The following PATJ variants were observed in gnomAD, a reference collection of about 807,000 sequenced individuals.
PATJ encodes PATJ crumbs cell polarity complex component, also known as inaD-like protein.
PATJ carries 190 observed loss-of-function variants against 224.9 expected under a neutral mutation model. That is an observed-to-expected ratio of 0.84 (90% CI 0.75 to 0.95). The LOEUF (loss-of-function observed/expected upper bound fraction) is 0.95, where lower values mean the gene tolerates loss of function less well. PATJ is among the 40% of genes least tolerant of loss of function. PATJ has a pLI of 0.00. For synonymous variants in PATJ, 769 were observed against 820.3 expected, an observed-to-expected ratio of 0.94 and a Z score of 1.07; for missense variants, 2,121 against 2,270.3, an observed-to-expected ratio of 0.93 and a Z score of 1.34.
chr1:62,069,395 T>C (rs1657023811), intron 31 of PATJ, among the ~76,000 whole-genome samples: 1 of 152,162 alleles, frequency 6.6e-6, no homozygotes, highest in East Asian at 1.9e-4. Flanking sequence ...GAGCAATAAT[T>C]GTCCCTAATA....
At chr1:62,101,887 A>T (rs1662221879) in intron 33 of PATJ, among the ~76,000 whole-genome samples, 1 of 152,182 alleles carries the variant, frequency 6.6e-6, no homozygotes, top group East Asian at 1.9e-4. Flanking sequence ...GAATAATTTT[A>T]AAGTATCCAG....
At chr1:61,979,933 T>C (rs1191597267) in intron 27 of PATJ, among the ~76,000 whole-genome samples, 2 of 152,064 alleles carry the variant, frequency 1.3e-5, no homozygotes, top group Admixed American at 1.3e-4. Context: ...CCTCTGGGTA[T>C]AGGCAGGGCA....
intron 31 of PATJ, among the ~76,000 whole-genome samples, chr1:62,075,603 G>A (rs1216588139): frequency 6.6e-6 from 1 of 152,130 alleles, no homozygotes; most frequent in Non-Finnish European, 1.5e-5. Context: ...GCCTGATGAA[G>A]TGTAAATCCT....
chr1:61,832,526 T>A (rs1570772580), intron 16 of PATJ, among the ~76,000 whole-genome samples: 1 of 152,188 alleles, frequency 6.6e-6, no homozygotes, highest in Non-Finnish European at 1.5e-5. Flanking sequence ...AGTCTACTTT[T>A]AAAAATTATT....
At chr1:61,917,046 T>A (rs2149244843) in intron 26 of PATJ, among the ~76,000 whole-genome samples, 1 of 152,314 alleles carries the variant, frequency 6.6e-6, no homozygotes, top group East Asian at 1.9e-4. Flanking sequence ...CTGAGGAGGT[T>A]AGGAATCGTG....
At chr1:61,920,613 C>T (rs1294280561) in intron 26 of PATJ, among the ~76,000 whole-genome samples, 1 of 151,840 alleles carries the variant, frequency 6.6e-6, no homozygotes, top group East Asian at 1.9e-4. Flanking sequence ...TTTATATTTG[C>T]CTGGCATGTT....
intron 29 of PATJ, among the ~76,000 whole-genome samples, chr1:62,026,506 G>A (rs562244574): frequency 1.4e-3 from 203 of 149,536 alleles, no homozygotes; most frequent in Middle Eastern, 6.9e-3. Context: ...GTGTGTACAT[G>A]CACCTAAATG....
At chr1:61,955,905 C>A (rs1486463730) in intron 27 of PATJ, among the ~76,000 whole-genome samples, 3 of 152,122 alleles carry the variant, frequency 2.0e-5, no homozygotes, top group Non-Finnish European at 4.4e-5. Flanking sequence ...TGTTGTACAT[C>A]CACTCATTGG....
intron 31 of PATJ, among the ~76,000 whole-genome samples, chr1:62,062,394 T>TG: frequency 9.5e-6 from 1 of 105,492 alleles, no homozygotes; most frequent in Non-Finnish European, 2.3e-5. Context: ...GTTGTCTTCT[T>TG]TTTTTTTTTT....
At chr1:62,141,099 G>T (rs528169832) in intron 41 of PATJ, among the ~76,000 whole-genome samples, 1 of 151,938 alleles carries the variant, frequency 6.6e-6, no homozygotes, top group Non-Finnish European at 1.5e-5. Flanking sequence ...ATGATGGTCT[G>T]CTCTACTTGC....
intron 33 of PATJ, among the ~76,000 whole-genome samples, chr1:62,090,437 G>T (rs551620195): frequency 1.3e-5 from 2 of 152,124 alleles, no homozygotes; most frequent in African/African-American, 4.8e-5. Context: ...AGTGATTATG[G>T]TCTAATATAG....
intron 28 of PATJ, among the ~76,000 whole-genome samples, chr1:61,991,214 T>C (rs74076864): frequency 6.8e-6 from 1 of 147,758 alleles, no homozygotes; most frequent in African/African-American, 2.5e-5. Context: ...ATGATGATGA[T>C]GATGACAATA....
intron 23 of PATJ, among the ~76,000 whole-genome samples, chr1:61,900,579 CTTTCT>C (rs67723329): frequency 0.7 from 104,812 of 150,326 alleles, 36,635 homozygotes; most frequent in East Asian, 0.85. Context: ...ACATATGTGG[CTTTCT>C]TTTCTTTTCT....
chr1:61,980,245 G>A (rs1324848761), intron 27 of PATJ, among the ~76,000 whole-genome samples: 9 of 151,822 alleles, frequency 5.9e-5, no homozygotes, highest in African/African-American at 9.7e-5. Context: ...TGATTATGCC[G>A]CTGAACTCTA....
chr1:62,037,069 C>A (rs1650562806), intron 29 of PATJ, among the ~76,000 whole-genome samples: 1 of 151,910 alleles, frequency 6.6e-6, no homozygotes, highest in Non-Finnish European at 1.5e-5. Context: ...CCAAGTCAGG[C>A]AATAGCTCTT....
At chr1:61,993,125 C>T (rs1476085981) in intron 28 of PATJ, among the ~76,000 whole-genome samples, 2 of 152,204 alleles carry the variant, frequency 1.3e-5, no homozygotes, top group Non-Finnish European at 2.9e-5. Context: ...CAGGTTATGA[C>T]CTGAACTTCT....
At chr1:61,991,602 T>A (rs1455298325) in intron 28 of PATJ, 1 of 985,332 alleles carries the variant, frequency 1.0e-6, no homozygotes, top group Non-Finnish European at 1.2e-6. Context: ...TTCCAAACCT[T>A]GGTTGCTTCT....
Position 62,091,422 on chromosome 1 carries a change from C to T in PATJ, c.4377+6774C>T, listed in dbSNP as rs554075756. On this transcript the variant is annotated intron_variant, in intron 33 of 43. Transcript: ENST00000642238. ...ACAAAAATCTACCTCTTAAGATTGTCATGTGAATTAATTAAGATAATGAAT... is the reference window on the plus strand; with the variant it reads ...ACAAAAATCTACCTCTTAAGATTGTTATGTGAATTAATTAAGATAATGAAT... Among the ~76,000 whole-genome samples, 3 of 152,276 alleles carry T rather than the reference C, an allele frequency of 2.0e-5. No individual in the cohort carries two copies. In the East Asian group the frequency reaches 5.8e-4, roughly 29 times the overall value.
chr1:61,795,338 T>C (rs544183407), intron 9 of PATJ, 129 bp from the exon 10 acceptor site: 1 of 504,868 alleles, frequency 2.0e-6, no homozygotes, highest in African/African-American at 2.0e-5. Flanking sequence ...ATTTCTCTGC[T>C]TGTGTTCAAA....
Sources: allele counts gnomAD v4.1 joint callset (sites outside exome capture counted in the v4.1 genomes callset), GRCh38; gene constraint gnomAD v4.1.1; transcripts MANE v1.5; gene names NCBI Gene and HGNC (gene_info 2026-07-23, HGNC 2026-07-21).